Variants in CUX1 observed in about 807,000 individuals in gnomAD.
The protein encoded by CUX1 is protein CASP.
CUX1 carries 31 observed loss-of-function variants against 158.8 expected under a neutral mutation model. That is an observed-to-expected ratio of 0.20 (90% CI 0.15 to 0.26). The LOEUF is 0.26. Among genes scored for constraint, CUX1 ranks in the 10% least tolerant of loss-of-function variants. The pLI is 1.00. For synonymous variants in CUX1, 879 were observed against 862.1 expected, an observed-to-expected ratio of 1.02 and a Z score of -0.34; for missense variants, 1,589 against 2,014.6, an observed-to-expected ratio of 0.79 and a Z score of 4.04.
chr7:102,076,206 A>G (rs975566681), intron 4 of CUX1, among the ~76,000 whole-genome samples: 2 of 152,022 alleles, frequency 1.3e-5, no homozygotes, highest in South Asian at 2.1e-4. Flanking sequence ...ACATGGTGAA[A>G]CCTCGTCTCT....
chr7:102,152,620 G>A (rs915739000), intron 8 of CUX1, among the ~76,000 whole-genome samples: 3 of 152,142 alleles, frequency 2.0e-5, no homozygotes, highest in Non-Finnish European at 4.4e-5. Flanking sequence ...TCGAACTCGC[G>A]ACCTCAGGTG....
At chr7:102,070,313 CT>C in intron 3 of CUX1, 25 bp from the exon 4 acceptor site, 1 of 1,591,000 alleles carries the variant, frequency 6.3e-7, no homozygotes, top group Non-Finnish European at 8.6e-7. Context: ...CTTTGTTTTT[CT>C]TTTCTTTCTT....
intron 13 of CUX1, 36 bp from the exon 14 acceptor site, chr7:102,195,471 G>A: frequency 1.3e-6 from 2 of 1,558,288 alleles, no homozygotes; most frequent in Non-Finnish European, 1.7e-6. Context: ...GTGAGTGGCC[G>A]GCCCCGCAGT....
intron 8 of CUX1, among the ~76,000 whole-genome samples, chr7:102,157,846 CG>C (rs1437811171): frequency 1.3e-5 from 2 of 152,112 alleles, no homozygotes; most frequent in African/African-American, 4.8e-5. Context: ...GTTGGGTTCG[CG>C]TATTTGCCTT....
intron 1 of CUX1, among the ~76,000 whole-genome samples, chr7:101,882,182 C>A (rs1232361976): frequency 1.3e-5 from 2 of 152,114 alleles, no homozygotes; most frequent in Non-Finnish European, 2.9e-5. Context: ...GAGATCCTAT[C>A]TCAAAAACAA....
chr7:102,281,868 C>A, exon 21 of CUX1: 1 of 1,613,296 alleles, frequency 6.2e-7, no homozygotes, highest in Non-Finnish European at 8.5e-7. Context: ...AACAAGATGG[C>A]GCGCACCATC....
chr7:102,280,587 C>T (rs554581159), intron 19 of CUX1, among the ~76,000 whole-genome samples: 3 of 152,004 alleles, frequency 2.0e-5, no homozygotes, highest in African/African-American at 4.8e-5. Context: ...GCTGCAGAGG[C>T]GGGGAGGGGC....
intron 12 of CUX1, among the ~76,000 whole-genome samples, chr7:102,192,235 G>A: frequency 6.6e-6 from 1 of 152,168 alleles, no homozygotes; most frequent in Admixed American, 6.5e-5. Context: ...GTCCCTTCAG[G>A]GCCCTTCTCC....
chr7:102,179,634 A>C (rs1411855463), intron 11 of CUX1, among the ~76,000 whole-genome samples: 2 of 152,228 alleles, frequency 1.3e-5, no homozygotes, highest in African/African-American at 4.8e-5. Context: ...TCCACATATT[A>C]AAAAGTAATG....
intron 11 of CUX1, chr7:102,188,843 A>G (rs1793944944): frequency 6.6e-6 from 1 of 152,116 alleles, no homozygotes; most frequent in South Asian, 2.1e-4. Context: ...AAAAGGATTA[A>G]AAAGGAAAAA....
intron 1 of CUX1, among the ~76,000 whole-genome samples, chr7:101,874,988 C>T (rs1798975122): frequency 6.6e-6 from 1 of 152,166 alleles, no homozygotes; most frequent in African/African-American, 2.4e-5. Context: ...CCACCGCGCG[C>T]TGGCCGCAAG....
At chr7:102,061,186 A>G (rs1413940245) in intron 3 of CUX1, among the ~76,000 whole-genome samples, 1 of 152,188 alleles carries the variant, frequency 6.6e-6, no homozygotes, top group Non-Finnish European at 1.5e-5. Flanking sequence ...GGCCTCCCAA[A>G]GTGCTGGGAT....
intron 1 of CUX1, among the ~76,000 whole-genome samples, chr7:101,859,259 G>T (rs764663362): frequency 2.0e-5 from 3 of 152,178 alleles, no homozygotes; most frequent in Non-Finnish European, 4.4e-5. Context: ...GGCGGCTTAT[G>T]ATTAACTCAG....
At chr7:102,267,769 C>T (rs555372819) in intron 14 of CUX1, among the ~76,000 whole-genome samples, 2 of 152,228 alleles carry the variant, frequency 1.3e-5, no homozygotes, top group African/African-American at 4.8e-5. Context: ...TGGACTCAAG[C>T]GATCCTCCCG....
intron 8 of CUX1, among the ~76,000 whole-genome samples, chr7:102,143,145 C>T (rs781920000): frequency 1.3e-5 from 2 of 152,204 alleles, no homozygotes; most frequent in African/African-American, 2.4e-5. Context: ...GAACTTGTGC[C>T]TCAGTTTCCT....
chr7:101,835,218 C>T (rs995254937), intron 1 of CUX1, among the ~76,000 whole-genome samples: 3 of 152,158 alleles, frequency 2.0e-5, no homozygotes, highest in African/African-American at 7.2e-5. Context: ...TATTCTCTGC[C>T]TCCATGCGTC....
At chr7:102,258,359 G>A (rs11761187), downstream of CUX1, 24,313 of 188,214 alleles carry the variant, frequency 0.13, 2,004 homozygotes, top group Admixed American at 0.18. Context: ...GCACCTGTCC[G>A]CAGGTCCTCG....
intron 14 of CUX1, chr7:102,273,267 C>T (rs1447044608): frequency 2.0e-6 from 3 of 1,489,798 alleles, no homozygotes; most frequent in South Asian, 1.2e-5. Flanking sequence ...ATCCAGGCAG[C>T]CCTGCTTCCA....
At chr7:101,984,144 ATATATGTG>A (rs1293233788) in intron 2 of CUX1, among the ~76,000 whole-genome samples, 19 of 88,432 alleles carry the variant, frequency 2.1e-4, no homozygotes, top group South Asian at 3.4e-4. Flanking sequence ...ACACACATAT[ATATATGTG>A]TGTGTGTGTG....
Sources: gnomAD v4.1 joint callset for allele counts (sites outside exome capture counted in the v4.1 genomes callset) on GRCh38, gnomAD v4.1.1 for gene constraint, MANE v1.5 for transcripts, NCBI Gene and HGNC (gene_info 2026-07-23, HGNC 2026-07-21) for gene names.